The following KLHL29 variants were observed in gnomAD, a reference collection of about 807,000 sequenced individuals.
KLHL29 encodes the protein kelch like family member 29.
In KLHL29, 21 loss-of-function variants were observed where a neutral mutation model predicts 80.4. The observed-to-expected ratio is 0.26, with a 90% CI of 0.19 to 0.38. KLHL29 has a LOEUF of 0.38. Among genes scored for constraint, KLHL29 ranks in the 10% least tolerant of loss-of-function variants. KLHL29 has a pLI of 1.00. For synonymous variants in KLHL29, 511 were observed against 526.8 expected, an observed-to-expected ratio of 0.97 and a Z score of 0.41; for missense variants, 867 against 1,223.9, an observed-to-expected ratio of 0.71 and a Z score of 4.35.
At chr2:23,698,486 C>T (rs767072866) in intron 11 of KLHL29, among the ~76,000 whole-genome samples, 6 of 151,988 alleles carry the variant, frequency 3.9e-5, no homozygotes, top group Non-Finnish European at 4.4e-5. Context: ...GGGACAGACA[C>T]GAGGGGGCTT....
intron 3 of KLHL29, among the ~76,000 whole-genome samples, chr2:23,635,519 G>A (rs953692641): frequency 5.3e-5 from 8 of 152,230 alleles, no homozygotes; most frequent in Non-Finnish European, 1.0e-4. Flanking sequence ...AGCTTCAACC[G>A]TAGAGGCCCT....
chr2:23,626,791 C>G (rs1482992739), intron 3 of KLHL29, among the ~76,000 whole-genome samples: 1 of 152,226 alleles, frequency 6.6e-6, no homozygotes, highest in Non-Finnish European at 1.5e-5. Context: ...GGTAGCCGGA[C>G]CACACAGCAC....
intron 1 of KLHL29, among the ~76,000 whole-genome samples, chr2:23,402,529 C>G (rs1037549657): frequency 2.0e-5 from 3 of 152,120 alleles, no homozygotes; most frequent in African/African-American, 7.2e-5. Context: ...TTCCCCCTCT[C>G]TCCCGTGGGT....
At chr2:23,407,948 G>A (rs1334308316) in intron 1 of KLHL29, among the ~76,000 whole-genome samples, 2 of 151,844 alleles carry the variant, frequency 1.3e-5, no homozygotes, top group Admixed American at 6.6e-5. Context: ...GGAGTTTCTT[G>A]TCATCCAGGC....
chr2:23,450,965 A>C (rs537563752), intron 1 of KLHL29, among the ~76,000 whole-genome samples: 1 of 152,122 alleles, frequency 6.6e-6, no homozygotes, highest in Non-Finnish European at 1.5e-5. Flanking sequence ...ACTCAAACAG[A>C]TTTCTGACAG....
intron 2 of KLHL29, chr2:23,524,037 C>T (rs755566450): frequency 3.8e-5 from 18 of 471,410 alleles, no homozygotes; most frequent in South Asian, 2.8e-4. Context: ...GTTTTTTTTA[C>T]CAGCATGCCT....
At chr2:23,465,737 T>C (rs1664332934) in intron 1 of KLHL29, among the ~76,000 whole-genome samples, 1 of 152,178 alleles carries the variant, frequency 6.6e-6, no homozygotes. Flanking sequence ...CCCCTCTGAA[T>C]TTCTTCACGT....
chr2:23,550,227 C>T (rs1015422385), intron 2 of KLHL29, among the ~76,000 whole-genome samples: 1 of 152,106 alleles, frequency 6.6e-6, no homozygotes, highest in African/African-American at 2.4e-5. Context: ...AAGGGCAGAT[C>T]GTGCATTAAC....
chr2:23,688,296 T>C (rs1558440410), intron 6 of KLHL29, among the ~76,000 whole-genome samples: 1 of 152,174 alleles, frequency 6.6e-6, no homozygotes. Context: ...CGGAGTCCTC[T>C]CTTCTGAGCA....
In KLHL29 at chr2:23,388,790, CT is replaced by C. The variant is rs1344259065; in HGVS notation, c.-154+3011del. On this transcript the variant is annotated intron_variant, in intron 1 of 13. Transcript: ENST00000486442. ...TTTTTCATCAACTCAAATGGCACCC[CT>C]AATACTAATGTCATTTTTTGGCATC... Among the ~76,000 whole-genome samples, 13 of 151,878 alleles carry C rather than the reference CT, an allele frequency of 8.6e-5. 3 individuals carry two copies. Among genetic ancestry groups the C allele is most frequent in the African/African-American group, 3.1e-4 (13 of 41,482 alleles).
chr2:23,413,053 A>G (rs546251375), intron 1 of KLHL29, among the ~76,000 whole-genome samples: 2 of 152,304 alleles, frequency 1.3e-5, no homozygotes, highest in African/African-American at 4.8e-5. Context: ...CCTTCAAAAA[A>G]ATGCCTGCAG....
chr2:23,632,399 C>A (rs1316801131), intron 3 of KLHL29, among the ~76,000 whole-genome samples: 1 of 152,280 alleles, frequency 6.6e-6, no homozygotes, highest in Non-Finnish European at 1.5e-5. Context: ...GTCCCCAACA[C>A]CCTGGTCTGA....
At chr2:23,597,396 TATATATA>T (rs1668446642) in intron 3 of KLHL29, among the ~76,000 whole-genome samples, 1 of 102,494 alleles carries the variant, frequency 9.8e-6, no homozygotes, top group Non-Finnish European at 1.9e-5. Flanking sequence ...TATATATATA[TATATATA>T]TATATTTTTT....
chr2:23,606,895 C>T (rs536298249), intron 3 of KLHL29, among the ~76,000 whole-genome samples: 28 of 152,332 alleles, frequency 1.8e-4, no homozygotes, highest in African/African-American at 5.8e-4. Flanking sequence ...ATGTATTTCT[C>T]ACAGTCCTGG....
intron 1 of KLHL29, among the ~76,000 whole-genome samples, chr2:23,388,566 C>T (rs550216792): frequency 1.6e-4 from 24 of 152,286 alleles, no homozygotes; most frequent in Non-Finnish European, 1.8e-4. Context: ...CATGCATTTC[C>T]ATGGTGATCC....
At chr2:23,620,270 C>A (rs1322797365) in intron 3 of KLHL29, among the ~76,000 whole-genome samples, 1 of 152,106 alleles carries the variant, frequency 6.6e-6, no homozygotes, top group Non-Finnish European at 1.5e-5. Flanking sequence ...AGTTGGCACT[C>A]GATCCCTTCG....
intron 5 of KLHL29, among the ~76,000 whole-genome samples, chr2:23,648,985 T>A (rs1361177277): frequency 6.6e-6 from 1 of 152,226 alleles, no homozygotes; most frequent in Admixed American, 6.5e-5. Flanking sequence ...GATTAAATAA[T>A]GTATGTAAAG....
intron 2 of KLHL29, among the ~76,000 whole-genome samples, chr2:23,476,415 C>G (rs1363265850): frequency 6.6e-6 from 1 of 151,986 alleles, no homozygotes; most frequent in Non-Finnish European, 1.5e-5. Flanking sequence ...ATCCTGTTCC[C>G]CAGAGATAAC....
At chr2:23,550,525 T>C (rs912137339) in intron 2 of KLHL29, among the ~76,000 whole-genome samples, 7 of 152,144 alleles carry the variant, frequency 4.6e-5, no homozygotes, top group African/African-American at 1.7e-4. Flanking sequence ...TCGGAGCAAT[T>C]CCGCAGCCGT....
Sources: gnomAD v4.1 joint callset for allele counts (sites outside exome capture counted in the v4.1 genomes callset) on GRCh38, gnomAD v4.1.1 for gene constraint, MANE v1.5 for transcripts, NCBI Gene and HGNC (gene_info 2026-07-23, HGNC 2026-07-21) for gene names.